SOX5: variants seen among roughly 807,000 people sequenced by gnomAD.
SOX5 encodes transcription factor SOX-5.
A neutral mutation model predicts 92.0 loss-of-function variants in SOX5; 9 were observed. The ratio of observed to expected loss-of-function variants is 0.10; its 90% CI spans 0.06 to 0.17. The LOEUF (loss-of-function observed/expected upper bound fraction) is 0.17, where lower values mean the gene tolerates loss of function less well. SOX5 is among the 10% of genes least tolerant of loss of function. The pLI is 1.00. For synonymous variants in SOX5, 344 were observed against 336.3 expected, an observed-to-expected ratio of 1.02 and a Z score of -0.25; for missense variants, 642 against 944.5, an observed-to-expected ratio of 0.68 and a Z score of 4.20.
At chr12:23,749,347 T>C (rs1469948916) in intron 4 of SOX5, among the ~76,000 whole-genome samples, 1 of 151,970 alleles carries the variant, frequency 6.6e-6, no homozygotes, top group Non-Finnish European at 1.5e-5. Context: ...TCTTGTACCC[T>C]AATACTATAA....
intron 2 of SOX5, among the ~76,000 whole-genome samples, chr12:24,299,233 A>T (rs1200659401): frequency 6.6e-6 from 1 of 152,126 alleles, no homozygotes; most frequent in Non-Finnish European, 1.5e-5. Flanking sequence ...CTTTTCAATG[A>T]TTGCCCTGAG....
Position 23,949,220 on chromosome 12 carries a change from A to C in SOX5, c.38+344T>G, listed in dbSNP as rs570669404. On this transcript the variant is annotated intron_variant, in intron 1 of 14. Coordinates refer to ENST00000451604, the MANE Select transcript of SOX5 (RefSeq NM_006940.6). Reference sequence around the variant, plus strand: ...TAACATTCTGCACAAAAGCGTTTTTAAAAGGTGGGGAGAAAACAATCAATG... The same window carrying C: ...TAACATTCTGCACAAAAGCGTTTTTCAAAGGTGGGGAGAAAACAATCAATG... Among the ~76,000 whole-genome samples the C allele has an allele frequency of 1.1e-4, 16 of 152,292 alleles. 1 individual carries two copies. Among genetic ancestry groups the C allele is most frequent in the Middle Eastern group, 3.4e-3 (1 of 294 alleles).
intron 1 of SOX5, among the ~76,000 whole-genome samples, chr12:23,907,652 A>G (rs1330223461): frequency 6.6e-6 from 1 of 152,116 alleles, no homozygotes; most frequent in Non-Finnish European, 1.5e-5. Flanking sequence ...GTTTGTAATA[A>G]TCTGTAAAAA....
At position 24,327,741 on chromosome 12, in the gene SOX5, G is replaced by A. The variant is rs567005962; in HGVS notation, c.-174+40822C>T. Among the ~76,000 whole-genome samples, 7 of 151,936 alleles carry A rather than the reference G, an allele frequency of 4.6e-5. No individual in the cohort carries two copies. The East Asian group carries it at 5.8e-4, about 13-fold the overall frequency. ...TGGGACTACAGGAGCCTGCCACCAC[G>A]CCCGGCTAATTTTTTTATGTGTGTG... On this transcript the variant is annotated intron_variant, in intron 2 of 4. Transcript: ENST00000446891.
chr12:24,216,020 A>G (rs995224208), intron 3 of SOX5, among the ~76,000 whole-genome samples: 2 of 152,196 alleles, frequency 1.3e-5, no homozygotes, highest in African/African-American at 2.4e-5. Flanking sequence ...TAGTTGTCAT[A>G]TAAGTATTAA....
intron 4 of SOX5, among the ~76,000 whole-genome samples, chr12:24,208,095 C>T (rs1958207981): frequency 6.6e-6 from 1 of 152,062 alleles, no homozygotes; most frequent in African/African-American, 2.4e-5. Flanking sequence ...GACATCAAAC[C>T]CTATGGATTC....
intron 2 of SOX5, among the ~76,000 whole-genome samples, chr12:24,308,795 G>A (rs1235817820): frequency 2.0e-5 from 3 of 152,222 alleles, no homozygotes; most frequent in Non-Finnish European, 1.5e-5. Context: ...AACTAAATCT[G>A]AGAAGCTGAA....
At chr12:24,387,566 C>T (rs2136442690) in intron 1 of SOX5, among the ~76,000 whole-genome samples, 1 of 152,212 alleles carries the variant, frequency 6.6e-6, no homozygotes, top group South Asian at 2.1e-4. Flanking sequence ...CTTCAAATCA[C>T]TCCAGGAGAT....
intron 7 of SOX5, among the ~76,000 whole-genome samples, chr12:23,653,117 C>A (rs2081888841): frequency 6.6e-6 from 1 of 151,654 alleles, no homozygotes; most frequent in Admixed American, 6.6e-5. Flanking sequence ...GGCTTCAGAC[C>A]TTTCGTGGTT....
intron 3 of SOX5, among the ~76,000 whole-genome samples, chr12:23,764,971 T>G (rs1272743726): frequency 6.6e-6 from 1 of 152,140 alleles, no homozygotes; most frequent in East Asian, 1.9e-4. Context: ...GCTGACATGA[T>G]TCATATGATA....
intron 1 of SOX5, among the ~76,000 whole-genome samples, chr12:24,374,466 A>G (rs150393051): frequency 3.3e-4 from 50 of 152,102 alleles, no homozygotes; most frequent in African/African-American, 7.7e-4. Context: ...GAAACTGAAA[A>G]GTCCTATGCT....
intron 4 of SOX5, among the ~76,000 whole-genome samples, chr12:23,984,114 A>G (rs1949848130): frequency 6.6e-6 from 1 of 152,092 alleles, no homozygotes; most frequent in African/African-American, 2.4e-5. Flanking sequence ...TCCCTGGTTC[A>G]TTTATTTAGT....
chr12:24,528,971 T>G (rs1285510021), intron 1 of SOX5, among the ~76,000 whole-genome samples: 1 of 152,220 alleles, frequency 6.6e-6, no homozygotes, highest in East Asian at 1.9e-4. Flanking sequence ...CATTTGAGAT[T>G]TTACATATAT....
chr12:23,808,269 G>A (rs1219966084), intron 3 of SOX5, among the ~76,000 whole-genome samples: 1 of 151,902 alleles, frequency 6.6e-6, no homozygotes, highest in African/African-American at 2.4e-5. Flanking sequence ...ACTTTCCCAC[G>A]ATCCTTTGTA....
chr12:24,136,270 G>T (rs1950098142), intron 4 of SOX5, among the ~76,000 whole-genome samples: 1 of 152,204 alleles, frequency 6.6e-6, no homozygotes, highest in Non-Finnish European at 1.5e-5. Flanking sequence ...ATCCTAAGGG[G>T]AGACACGCAG....
intron 4 of SOX5, among the ~76,000 whole-genome samples, chr12:24,080,697 T>C (rs749230936): frequency 1.5e-4 from 23 of 151,992 alleles, no homozygotes; most frequent in Non-Finnish European, 2.8e-4. Context: ...GTTTGCTGCA[T>C]TCTGATTGAT....
At chr12:23,737,074 C>T (rs1360748680) in intron 5 of SOX5, among the ~76,000 whole-genome samples, 1 of 151,972 alleles carries the variant, frequency 6.6e-6, no homozygotes, top group Non-Finnish European at 1.5e-5. Context: ...CTAGTTCCTT[C>T]CTCCCACATA....
intron 7 of SOX5, among the ~76,000 whole-genome samples, chr12:23,641,607 C>A (rs1003034514): frequency 6.6e-6 from 1 of 152,020 alleles, no homozygotes; most frequent in African/African-American, 2.4e-5. Flanking sequence ...AATATAGGCA[C>A]ACACAAAAAC....
In SOX5 at chr12:24,493,260, T is replaced by C. The variant is rs117845249; in HGVS notation, c.-251+69069A>G. On this transcript the variant is annotated intron_variant, in intron 1 of 4. Coordinates refer to the SOX5 transcript ENST00000446891. Reference sequence around the variant, plus strand: ...TGGTTAAAAATCAGTGTCAACAGTATTCAAAATATTCAAAACTGTCAAGAT... The same window carrying C: ...TGGTTAAAAATCAGTGTCAACAGTACTCAAAATATTCAAAACTGTCAAGAT... Among the ~76,000 whole-genome samples, 1,035 of 152,230 alleles carry C rather than the reference T, an allele frequency of 6.8e-3. 8 individuals carry two copies. The highest frequency in any genetic ancestry group is 0.011 in the Non-Finnish European group (781 of 68,020).
Sources: gnomAD v4.1 joint callset for allele counts (sites outside exome capture counted in the v4.1 genomes callset) on GRCh38, gnomAD v4.1.1 for gene constraint, MANE v1.5 for transcripts, NCBI Gene and HGNC (gene_info 2026-07-23, HGNC 2026-07-21) for gene names.